The following SPRED2 variants were observed in gnomAD, a reference collection of about 807,000 sequenced individuals.
SPRED2 encodes the protein sprouty related EVH1 domain containing 2, also known as sprouty-related, EVH1 domain-containing protein 2.
In SPRED2, 47 loss-of-function variants were observed where a neutral mutation model predicts 43.0. The observed-to-expected ratio is 1.09, with a 90% CI of 0.87 to 1.40. The LOEUF is 1.40. Among genes scored for constraint, SPRED2 ranks in the 40% most tolerant of loss-of-function variants. The probability of loss-of-function intolerance (pLI) is 0.00; values close to 1 mark genes in which losing one functional copy is unlikely to be tolerated. For missense variants in SPRED2, 561 were observed against 586.4 expected, an observed-to-expected ratio of 0.96 and a Z score of 0.45; for synonymous variants, 225 against 225.7, an observed-to-expected ratio of 1.00 and a Z score of 0.03.
chr2:65,415,805 G>A (rs201509251), intron 1 of SPRED2, among the ~76,000 whole-genome samples: 1 of 151,622 alleles, frequency 6.6e-6, no homozygotes, highest in Non-Finnish European at 1.5e-5. Context: ...CTTACAATTT[G>A]CTTCACATGT....
At chr2:65,335,113 T>C (rs1249315304) in intron 2 of SPRED2, among the ~76,000 whole-genome samples, 1 of 152,226 alleles carries the variant, frequency 6.6e-6, no homozygotes, top group Non-Finnish European at 1.5e-5. Flanking sequence ...GGTTTTTATA[T>C]TGATGGTCAT....
At chr2:65,403,815 C>T (rs947902453) in intron 1 of SPRED2, among the ~76,000 whole-genome samples, 4 of 152,138 alleles carry the variant, frequency 2.6e-5, no homozygotes, top group Non-Finnish European at 5.9e-5. Flanking sequence ...GTGCTTGGTA[C>T]TGCCTGTTCT....
intron 1 of SPRED2, among the ~76,000 whole-genome samples, chr2:65,358,121 AC>A (rs1222353256): frequency 6.6e-6 from 1 of 152,186 alleles, no homozygotes; most frequent in African/African-American, 2.4e-5. Context: ...TAGAGAAAAA[AC>A]TTGAAACCAC....
intron 1 of SPRED2, among the ~76,000 whole-genome samples, chr2:65,375,615 C>T (rs556655927): frequency 1.3e-5 from 2 of 152,272 alleles, no homozygotes; most frequent in East Asian, 3.9e-4. Flanking sequence ...TGGGCTCTAC[C>T]TATTTTGTAG....
intron 2 of SPRED2, among the ~76,000 whole-genome samples, chr2:65,336,338 CAG>C (rs1673965752): frequency 2.0e-5 from 3 of 152,132 alleles, no homozygotes; most frequent in Admixed American, 1.3e-4. Context: ...GCCCAGGTGA[CAG>C]AGTGAGACTC....
intron 2 of SPRED2, chr2:65,344,148 A>AAC (rs1674270089): frequency 1.6e-5 from 2 of 128,532 alleles, no homozygotes; most frequent in Admixed American, 8.5e-5. Context: ...AAAAAAAAAA[A>AAC]AAAAAAAAAA....
rs992727350 is a variant in SPRED2, at chr2:65,311,426, A to T, written c.*2075T>A. 4 of 985,778 alleles carry T rather than the reference A, an allele frequency of 4.1e-6. No individual in the cohort carries two copies. In the African/African-American group the frequency reaches 5.2e-5, roughly 13 times the overall value. 61.1% of individuals were successfully genotyped at this position (985,778 alleles called of 1,614,324 possible). Reference sequence around the variant, plus strand: ...AACAGGTAACAACTAAATAGAGGTGACAAACAAAAAACAGCTGGGATATGT... The same window carrying T: ...AACAGGTAACAACTAAATAGAGGTGTCAAACAAAAAACAGCTGGGATATGT... On this transcript the variant is annotated 3_prime_UTR_variant, in exon 6 of 6. Transcript: ENST00000356388.
At chr2:65,364,528 G>A (rs190174090) in intron 1 of SPRED2, among the ~76,000 whole-genome samples, 84 of 152,308 alleles carry the variant, frequency 5.5e-4, no homozygotes, top group East Asian at 1.2e-3. Context: ...CCTCTGAGGC[G>A]TGGCAGCCAC....
intron 1 of SPRED2, among the ~76,000 whole-genome samples, chr2:65,386,060 G>A (rs1675490247): frequency 6.6e-6 from 1 of 152,152 alleles, no homozygotes; most frequent in East Asian, 1.9e-4. Context: ...GGGGGCGGGA[G>A]GATCGCCTGA....
intron 1 of SPRED2, among the ~76,000 whole-genome samples, chr2:65,404,908 C>T (rs1032736333): frequency 6.6e-6 from 1 of 152,220 alleles, no homozygotes; most frequent in Non-Finnish European, 1.5e-5. Flanking sequence ...TATGATCTAA[C>T]CTCACTTAGC....
chr2:65,330,195 A>G (rs947708570), intron 4 of SPRED2, among the ~76,000 whole-genome samples: 1 of 152,218 alleles, frequency 6.6e-6, no homozygotes, highest in Admixed American at 6.5e-5. Context: ...TGAGGGTTGG[A>G]GCCATGGCTC....
chr2:65,344,808 T>G lies in SPRED2; in HGVS notation c.115A>C (p.Ser39Arg). Residue 39 changes from serine to arginine, a missense_variant, in exon 2 of 6, where the codon AGT becomes CGT. By Grantham distance (110) the Ser-to-Arg change is moderately radical. This residue lies in a region of SPRED2 where 305 missense variants were observed against 282.4 expected (regional missense o/e 1.08). Transcript: ENST00000356388. ...ATGACCTTACAGACCCCGACGCGAC[T>G]GATCCCGCCTCCTTCCTGTGGGAAC... is the stretch of plus-strand genomic sequence containing the variant. ...GWFPQEGGGISRVGVCKVMHP... is the reference protein window; with the variant it reads ...GWFPQEGGGIRRVGVCKVMHP... The G allele has an allele frequency of 6.2e-7, 1 of 1,614,216 alleles. No homozygotes were observed. Among genetic ancestry groups the G allele is most frequent in the Non-Finnish European group, 8.5e-7 (1 of 1,180,040 alleles).
chr2:65,352,848 T>C (rs924516029), intron 1 of SPRED2, among the ~76,000 whole-genome samples: 6 of 152,244 alleles, frequency 3.9e-5, no homozygotes, highest in African/African-American at 1.4e-4. Context: ...GGTCTCAAAC[T>C]CCTGGCCTCA....
chr2:65,334,570 T>A, intron 3 of SPRED2, 35 bp downstream of exon 3: 1 of 1,600,736 alleles, frequency 6.2e-7, no homozygotes, highest in Non-Finnish European at 8.5e-7. Context: ...AACATTTCCA[T>A]AGTCCCACTA....
chr2:65,430,233 A>T (rs962207284), intron 1 of SPRED2, among the ~76,000 whole-genome samples: 5 of 152,140 alleles, frequency 3.3e-5, no homozygotes, highest in Non-Finnish European at 7.4e-5. Flanking sequence ...TCATTTTACC[A>T]TTTTAAGATG....
chr2:65,427,937 T>G (rs1255990420), intron 1 of SPRED2, among the ~76,000 whole-genome samples: 1 of 152,212 alleles, frequency 6.6e-6, no homozygotes, highest in African/African-American at 2.4e-5. Flanking sequence ...TTCACCTCTC[T>G]GTGCCTCACT....
At chr2:65,411,610 T>C (rs764227538) in intron 1 of SPRED2, among the ~76,000 whole-genome samples, 9 of 152,212 alleles carry the variant, frequency 5.9e-5, no homozygotes, top group Non-Finnish European at 1.2e-4. Flanking sequence ...AATTGGCTTC[T>C]ATCTTAGTGT....
intron 1 of SPRED2, among the ~76,000 whole-genome samples, chr2:65,402,204 G>A (rs114402671): frequency 0.019 from 2,830 of 147,484 alleles, 81 homozygotes; most frequent in African/African-American, 0.067. Context: ...ACTTGAGCCC[G>A]GGAGGCGAAG....
At chr2:65,377,528 G>A (rs755087877) in intron 1 of SPRED2, 70 of 468,770 alleles carry the variant, frequency 1.5e-4, no homozygotes, top group Non-Finnish European at 2.6e-4. Flanking sequence ...AATTCTAACA[G>A]TGTTCGGTCT....
Sources: allele counts gnomAD v4.1 joint callset (sites outside exome capture counted in the v4.1 genomes callset), GRCh38; gene constraint gnomAD v4.1.1; regional missense constraint gnomAD v4.1.1; transcripts MANE v1.5; gene names NCBI Gene and HGNC (gene_info 2026-07-23, HGNC 2026-07-21).